Variants in SKP1 observed in about 807,000 individuals in gnomAD.
SKP1 encodes S-phase kinase associated protein 1.
In SKP1, 1 loss-of-function variant was observed where a neutral mutation model predicts 21.5. That is an observed-to-expected ratio of 0.05 (90% CI 0.02 to 0.22). The LOEUF is 0.22. Among genes scored for constraint, SKP1 ranks in the 10% least tolerant of loss-of-function variants. The probability of loss-of-function intolerance (pLI) is 1.00; values close to 1 mark genes in which losing one functional copy is unlikely to be tolerated. For missense variants in SKP1, 70 were observed against 192.0 expected, an observed-to-expected ratio of 0.36 and a Z score of 3.76; for synonymous variants, 59 against 59.3, an observed-to-expected ratio of 0.99 and a Z score of 0.03.
At chr5:134,173,805 A>G in intron 2 of SKP1, 121 bp downstream of exon 2, 1 of 724,716 alleles carries the variant, frequency 1.4e-6, no homozygotes, top group Non-Finnish European at 2.6e-6. Flanking sequence ...AAAAAAATGT[A>G]AACTTTACCT....
chr5:134,156,696 A>G lies in SKP1; in HGVS notation c.*1037T>C, dbSNP rs529673020. The G allele has an allele frequency of 2.0e-5, 3 of 152,350 alleles. No individual in the cohort carries two copies. The highest frequency in any genetic ancestry group is 6.5e-5 in the Admixed American group (1 of 15,290). 9.4% of individuals were successfully genotyped at this position (152,350 alleles called of 1,614,324 possible). A position where few individuals can be genotyped will look rare whatever the true frequency, so the allele number is the denominator to read the frequency against. On this transcript the variant is annotated 3_prime_UTR_variant, in exon 6 of 6. Coordinates refer to ENST00000353411, the MANE Select transcript of SKP1 (RefSeq NM_170679.3). ...GTAATTTTGTGTTAAGAATTAAAGT[A>G]CTAGCTCCAGTTAGGCATATAAATG...
Position 134,154,194 on chromosome 5 carries a change from C to G in SKP1, c.*3539G>C, listed in dbSNP as rs1415666574. On this transcript the variant is annotated 3_prime_UTR_variant, in exon 6 of 6. Transcript: ENST00000353411. Reference sequence around the variant, plus strand: ...CGTGTGCGGTGGGTCACACGTGTAACCTCAGCACTTTCGGAGGCTAAGGCG... The same window carrying G: ...CGTGTGCGGTGGGTCACACGTGTAAGCTCAGCACTTTCGGAGGCTAAGGCG... 1 of 152,030 alleles carries G rather than the reference C, an allele frequency of 6.6e-6. No homozygotes were observed. Among genetic ancestry groups the G allele is most frequent in the Non-Finnish European group, 1.5e-5 (1 of 68,020 alleles). The allele number at this position is 152,030 out of a possible 1,614,324, so 9.4% of individuals were successfully genotyped here. A position where few individuals can be genotyped will look rare whatever the true frequency, so the allele number is the denominator to read the frequency against.
intron 4 of SKP1, among the ~76,000 whole-genome samples, chr5:134,160,093 C>A (rs1253782363): frequency 6.6e-6 from 1 of 151,958 alleles, no homozygotes; most frequent in Non-Finnish European, 1.5e-5. Flanking sequence ...CGGTGGCTCA[C>A]ACCTGTAATC....
intron 4 of SKP1, among the ~76,000 whole-genome samples, chr5:134,160,702 C>A (rs73791506): frequency 0.03 from 4,610 of 152,222 alleles, 185 homozygotes; most frequent in African/African-American, 0.096. Flanking sequence ...TGTTAGTGTA[C>A]CGTATCTTCT....
In SKP1 at chr5:134,154,468, A is replaced by T. The variant is rs1047447341; in HGVS notation, c.*3265T>A. On this transcript the variant is annotated 3_prime_UTR_variant, in exon 6 of 6. Transcript: ENST00000353411. ...GTCTCAAAAAAAAAAAAAAAAAAAA[A>T]AAAATTATTAGAATTTGAGGGGGCA... 2 of 151,698 alleles carry T rather than the reference A, an allele frequency of 1.3e-5. No homozygotes were observed. Among genetic ancestry groups the T allele is most frequent in the Non-Finnish European group, 2.9e-5 (2 of 68,088 alleles). The allele number at this position is 151,698 out of a possible 1,614,324, so 9.4% of individuals were successfully genotyped here.
intron 2 of SKP1, among the ~76,000 whole-genome samples, chr5:134,168,072 T>G (rs1234809346): frequency 6.6e-6 from 1 of 152,086 alleles, no homozygotes; most frequent in African/African-American, 2.4e-5. Flanking sequence ...AACGATGGAG[T>G]CCATGACCAC....
At chr5:134,167,746 G>T (rs1027300785) in intron 2 of SKP1, among the ~76,000 whole-genome samples, 1 of 152,070 alleles carries the variant, frequency 6.6e-6, no homozygotes, top group Non-Finnish European at 1.5e-5. Flanking sequence ...GGATGGTCTC[G>T]ATCTCCTGAC....
intron 2 of SKP1, among the ~76,000 whole-genome samples, chr5:134,171,870 C>T (rs1761446934): frequency 6.6e-6 from 1 of 152,080 alleles, no homozygotes; most frequent in Non-Finnish European, 1.5e-5. Context: ...CATGGAGAAA[C>T]CTCGTCTCTA....
chr5:134,159,225 G>A (rs1162892609), intron 4 of SKP1, among the ~76,000 whole-genome samples: 1 of 151,996 alleles, frequency 6.6e-6, no homozygotes, highest in Non-Finnish European at 1.5e-5. Flanking sequence ...CTTCCACTCA[G>A]CTCAAAATAC....
chr5:134,167,603 A>C (rs1329941921), intron 2 of SKP1, among the ~76,000 whole-genome samples: 6 of 151,970 alleles, frequency 3.9e-5, no homozygotes, highest in Non-Finnish European at 5.9e-5. Context: ...GCTCACTGCA[A>C]GCTCCGCCTC....
chr5:134,161,157 G>C, intron 3 of SKP1, 27 bp from the exon 4 acceptor site: 1 of 1,567,272 alleles, frequency 6.4e-7, no homozygotes, highest in Non-Finnish European at 8.7e-7. Context: ...TCATTCCTCT[G>C]TGGCACTTTG....
chr5:134,172,629 T>C (rs1761463307), intron 2 of SKP1, among the ~76,000 whole-genome samples: 1 of 151,816 alleles, frequency 6.6e-6, no homozygotes, highest in Non-Finnish European at 1.5e-5. Flanking sequence ...ATGTGGCTCT[T>C]CCCAGTACTT....
Position 134,150,174 on chromosome 5 carries a change from A to T in SKP1, c.*7559T>A, listed in dbSNP as rs1273827783. 1 of 152,228 alleles carries T rather than the reference A, an allele frequency of 6.6e-6. No individual in the cohort carries two copies. Among genetic ancestry groups the T allele is most frequent in the Non-Finnish European group, 1.5e-5 (1 of 68,052 alleles). 9.4% of individuals were successfully genotyped at this position (152,228 alleles called of 1,614,324 possible). On this transcript the variant is annotated 3_prime_UTR_variant, in exon 6 of 6. Transcript: ENST00000353411. Reference sequence around the variant, plus strand: ...TGAGGGTTCAGCCCAGCAAGCAGACAAAGCCTATGTCTCCCAACGTGAAGG... The same window carrying T: ...TGAGGGTTCAGCCCAGCAAGCAGACTAAGCCTATGTCTCCCAACGTGAAGG...
Position 134,153,864 on chromosome 5 carries a change from G to C in SKP1, c.*3869C>G, listed in dbSNP as rs977261895. 1 of 152,164 alleles carries C rather than the reference G, an allele frequency of 6.6e-6. No homozygotes were observed. Among genetic ancestry groups the C allele is most frequent in the African/African-American group, 2.4e-5 (1 of 41,440 alleles). 9.4% of individuals were successfully genotyped at this position (152,164 alleles called of 1,614,324 possible). On this transcript the variant is annotated 3_prime_UTR_variant, in exon 6 of 6. Transcript: ENST00000353411. Reference sequence around the variant, plus strand: ...TCACTGTTACTATCCTCCCTCCCCAGCTAGTTTTAAGATAAGCTCAGCATT... The same window carrying C: ...TCACTGTTACTATCCTCCCTCCCCACCTAGTTTTAAGATAAGCTCAGCATT...
Position 134,153,479 on chromosome 5 carries a change from C to G in SKP1, c.*4254G>C, listed in dbSNP as rs371150974. ...CTGGGGGGCAGAGGTGAGACCTTGT[C>G]TCTTAAAAGAAGAATCAAAAAGCTC... On this transcript the variant is annotated 3_prime_UTR_variant, in exon 6 of 6. Transcript: ENST00000353411. 1 of 152,408 alleles carries G rather than the reference C, an allele frequency of 6.6e-6. No individual in the cohort carries two copies. Among genetic ancestry groups the G allele is most frequent in the Non-Finnish European group, 1.5e-5 (1 of 68,268 alleles). The allele number at this position is 152,408 out of a possible 1,614,324, so 9.4% of individuals were successfully genotyped here.
chr5:134,163,861 T>C (rs1374976368), intron 3 of SKP1, among the ~76,000 whole-genome samples: 3 of 151,942 alleles, frequency 2.0e-5, no homozygotes, highest in African/African-American at 7.3e-5. Flanking sequence ...TGGCCCTACA[T>C]CACCCAACCC....
chr5:134,158,013 G>A, intron 5 of SKP1: 1 of 1,493,832 alleles, frequency 6.7e-7, no homozygotes, highest in Non-Finnish European at 8.9e-7. Flanking sequence ...AGTTGACAGA[G>A]CAAATTCAGT....
chr5:134,164,146 C>T (rs1416710123), intron 3 of SKP1, among the ~76,000 whole-genome samples: 1 of 151,758 alleles, frequency 6.6e-6, no homozygotes, highest in African/African-American at 2.4e-5. Flanking sequence ...CATGGTGAAA[C>T]CCCATCTCTA....
In SKP1 at chr5:134,150,494, A is replaced by T. The variant is rs773613802; in HGVS notation, c.*7239T>A. The stretch of plus-strand genomic sequence containing the variant: ...GGGGTAAGGGTAACAAGGCCATGTT[A>T]AACTACCTCTTAGGCCTATATGTCA... On this transcript the variant is annotated 3_prime_UTR_variant, in exon 6 of 6. Coordinates refer to ENST00000353411, the MANE Select transcript of SKP1 (RefSeq NM_170679.3). 3.3e-5 allele frequency: 5 copies of T among 152,242 alleles called. No individual in the cohort carries two copies. Among genetic ancestry groups the T allele is most frequent in the Non-Finnish European group, 5.9e-5 (4 of 68,034 alleles). 9.4% of individuals were successfully genotyped at this position (152,242 alleles called of 1,614,324 possible). A position where few individuals can be genotyped will look rare whatever the true frequency, so the allele number is the denominator to read the frequency against.
Sources: allele counts gnomAD v4.1 joint callset (sites outside exome capture counted in the v4.1 genomes callset), GRCh38; gene constraint gnomAD v4.1.1; transcripts MANE v1.5; gene names NCBI Gene and HGNC (gene_info 2026-07-23, HGNC 2026-07-21).